The following SNTG2 variants were observed in gnomAD, a reference collection of about 807,000 sequenced individuals.
SNTG2 encodes syntrophin gamma 2.
SNTG2 carries 74 observed loss-of-function variants against 70.9 expected under a neutral mutation model. The ratio of observed to expected loss-of-function variants is 1.04; its 90% CI spans 0.86 to 1.27. SNTG2 has a LOEUF of 1.27. Among genes scored for constraint, SNTG2 ranks in the 50% most tolerant of loss-of-function variants. The pLI is 0.00. For synonymous variants in SNTG2, 278 were observed against 273.8 expected, an observed-to-expected ratio of 1.02 and a Z score of -0.15; for missense variants, 717 against 690.7, an observed-to-expected ratio of 1.04 and a Z score of -0.43.
intron 1 of SNTG2, among the ~76,000 whole-genome samples, chr2:965,807 CT>C (rs972734772): frequency 9.2e-5 from 14 of 152,280 alleles, no homozygotes; most frequent in Admixed American, 5.2e-4. Flanking sequence ...ATGGGGGTGG[CT>C]GACAGGTAAC....
chr2:1,163,496 T>TGAGGCCTCCCAACAGGAAGTGGGCATGG (rs1670482387), intron 6 of SNTG2: 1 of 144,876 alleles, frequency 6.9e-6, no homozygotes, highest in African/African-American at 2.6e-5. Flanking sequence ...AGTGGGCATG[T>TGAGGCCTCCCAACAGGAAGTGGGCATGG]GAGGCCTCCC....
intron 14 of SNTG2, among the ~76,000 whole-genome samples, chr2:1,290,390 C>T (rs1430857931): frequency 6.6e-6 from 1 of 151,066 alleles, no homozygotes; most frequent in African/African-American, 2.4e-5. Context: ...TCTTGGCTTA[C>T]TGCAACCTCC....
intron 8 of SNTG2, among the ~76,000 whole-genome samples, chr2:1,189,570 T>C (rs1672452324): frequency 6.6e-6 from 1 of 151,922 alleles, no homozygotes; most frequent in South Asian, 2.1e-4. Flanking sequence ...CTAACTTTTT[T>C]TTTTTTGAGA....
chr2:1,123,106 C>A (rs1315402939), intron 4 of SNTG2, among the ~76,000 whole-genome samples: 1 of 152,016 alleles, frequency 6.6e-6, no homozygotes, highest in Non-Finnish European at 1.5e-5. Flanking sequence ...CATGTCTGGG[C>A]TCATCATAAT....
At chr2:1,252,974 C>A (rs1677851759) in intron 12 of SNTG2, among the ~76,000 whole-genome samples, 2 of 152,138 alleles carry the variant, frequency 1.3e-5, no homozygotes, top group South Asian at 4.1e-4. Context: ...TTGCCAGTAG[C>A]AGTCTTACTT....
rs1448375361 is a variant in SNTG2, at chr2:955,787, TC to T, written c.72+4720del. Among the ~76,000 whole-genome samples the T allele has an allele frequency of 5.9e-5, 9 of 152,308 alleles. No individual in the cohort carries two copies. The East Asian group carries it at 1.7e-3, about 29-fold the overall frequency. Reference sequence around the variant, plus strand: ...CAGCTGCCAGTTGTTCTGAACAAAATCATCACTTATTTTGGATTTGGCAGCA... The same window carrying T: ...CAGCTGCCAGTTGTTCTGAACAAAATATCACTTATTTTGGATTTGGCAGCA... On this transcript the variant is annotated intron_variant, in intron 1 of 16. Transcript: ENST00000308624.
At chr2:1,018,330 AG>A (rs1308066495) in intron 1 of SNTG2, among the ~76,000 whole-genome samples, 1 of 152,176 alleles carries the variant, frequency 6.6e-6, no homozygotes, top group African/African-American at 2.4e-5. Context: ...TGGTGGTCAG[AG>A]GGTGTCTTCA....
intron 4 of SNTG2, chr2:1,102,493 C>T (rs1056683956): frequency 6.6e-6 from 1 of 152,178 alleles, no homozygotes; most frequent in African/African-American, 2.4e-5. Flanking sequence ...GGCTGCGTGT[C>T]TGAGAGGAAG....
intron 1 of SNTG2, among the ~76,000 whole-genome samples, chr2:999,742 C>G (rs1473154812): frequency 6.6e-6 from 1 of 151,912 alleles, no homozygotes; most frequent in Non-Finnish European, 1.5e-5. Flanking sequence ...TGAAAATCAA[C>G]TAAAAATTAG....
intron 16 of SNTG2, among the ~76,000 whole-genome samples, chr2:1,348,530 C>G (rs1660417637): frequency 6.6e-6 from 1 of 152,244 alleles, no homozygotes; most frequent in African/African-American, 2.4e-5. Flanking sequence ...TATATACACT[C>G]AACCAATTGT....
At chr2:1,249,021 A>C (rs1193471059) in intron 12 of SNTG2, among the ~76,000 whole-genome samples, 1 of 152,208 alleles carries the variant, frequency 6.6e-6, no homozygotes, top group Admixed American at 6.5e-5. Flanking sequence ...CATCCAACTC[A>C]TCTCAGCAAG....
chr2:1,028,774 A>G (rs1660645256), intron 1 of SNTG2, among the ~76,000 whole-genome samples: 1 of 148,804 alleles, frequency 6.7e-6, no homozygotes, highest in Admixed American at 6.7e-5. Context: ...TCACATTTGC[A>G]TGAAAGCCAG....
At position 1,209,214 on chromosome 2, in the gene SNTG2, G is replaced by T. The variant is rs545016860; in HGVS notation, c.703G>T (p.Gly235Ter). 1.9e-6 allele frequency: 3 copies of T among 1,613,784 alleles called. No individual in the cohort carries two copies. The highest frequency in any genetic ancestry group is 2.5e-6 in the Non-Finnish European group (3 of 1,179,898). The stretch of plus-strand genomic sequence containing the variant: ...GGCTCGCATCTCAAGGTACAAAGCC[G>T]GAACGGAAAAATTAAGGTGTGTGAC... ...SMARISRYKA[G>*]TEKLRWNAFE... The change falls in exon 9 of 17, where the codon GGA becomes TGA. Residue 235 changes from glycine (G) to a stop codon, truncating the protein, a stop_gained. Coordinates refer to ENST00000308624, the MANE Select transcript of SNTG2 (RefSeq NM_018968.4). LOFTEE classifies it high-confidence loss of function.
chr2:1,126,304 G>T (rs976219926), intron 4 of SNTG2, among the ~76,000 whole-genome samples: 3 of 152,170 alleles, frequency 2.0e-5, no homozygotes, highest in Non-Finnish European at 4.4e-5. Context: ...ACTCTGCCAC[G>T]AATGGGAGTG....
chr2:1,241,595 A>G (rs1355041697), intron 11 of SNTG2, among the ~76,000 whole-genome samples: 2 of 152,262 alleles, frequency 1.3e-5, no homozygotes, highest in South Asian at 2.1e-4. Flanking sequence ...AACATTAAGT[A>G]TATCTCCAAA....
chr2:1,222,083 C>G (rs1384574472), intron 9 of SNTG2, among the ~76,000 whole-genome samples: 1 of 24,696 alleles, frequency 4.0e-5, no homozygotes, highest in African/African-American at 1.3e-4. Context: ...GTCTCTGTCT[C>G]TGTCTCTCTC....
intron 6 of SNTG2, among the ~76,000 whole-genome samples, chr2:1,140,610 G>A (rs534765925): frequency 1.2e-3 from 185 of 152,382 alleles, no homozygotes; most frequent in African/African-American, 4.1e-3. Flanking sequence ...GCAGGGCGCA[G>A]AACAACAGCC....
chr2:1,164,978 G>A (rs960092756), intron 6 of SNTG2, among the ~76,000 whole-genome samples: 2 of 152,232 alleles, frequency 1.3e-5, no homozygotes, highest in African/African-American at 4.8e-5. Context: ...AATACATTGT[G>A]CACAAAAAGC....
intron 1 of SNTG2, among the ~76,000 whole-genome samples, chr2:978,600 C>A (rs1237642544): frequency 6.6e-6 from 1 of 152,134 alleles, no homozygotes; most frequent in African/African-American, 2.4e-5. Context: ...TTTGCTGAAG[C>A]CTTCTGCCCC....
Sources: allele counts gnomAD v4.1 joint callset (sites outside exome capture counted in the v4.1 genomes callset), GRCh38; gene constraint gnomAD v4.1.1; transcripts MANE v1.5; gene names NCBI Gene and HGNC (gene_info 2026-07-23, HGNC 2026-07-21).